Variants in SNX29 observed in about 807,000 individuals in gnomAD.
The protein encoded by SNX29 is sorting nexin 29, also known as sorting nexin-29.
A neutral mutation model predicts 102.1 loss-of-function variants in SNX29; 78 were observed. The observed-to-expected ratio is 0.76, with a 90% CI of 0.64 to 0.92. The LOEUF is 0.92. SNX29 is among the 40% of genes least tolerant of loss of function. SNX29 has a pLI of 0.00. For missense variants in SNX29, 1,280 were observed against 1,061.7 expected, an observed-to-expected ratio of 1.21 and a Z score of -2.86; for synonymous variants, 580 against 414.5, an observed-to-expected ratio of 1.40 and a Z score of -4.85.
intron 17 of SNX29, among the ~76,000 whole-genome samples, chr16:12,400,375 A>C (rs1421158957): frequency 6.6e-6 from 1 of 152,172 alleles, no homozygotes; most frequent in African/African-American, 2.4e-5. Flanking sequence ...TGTGCTGGAC[A>C]CTGTTCTAAC....
intron 15 of SNX29, among the ~76,000 whole-genome samples, chr16:12,284,115 C>T (rs2079519433): frequency 6.6e-6 from 1 of 152,228 alleles, no homozygotes; most frequent in Non-Finnish European, 1.5e-5. Flanking sequence ...TATTCTTTTT[C>T]AGCAGTTGTC....
chr16:12,032,177 G>A (rs1245806007), intron 4 of SNX29, among the ~76,000 whole-genome samples: 2 of 148,862 alleles, frequency 1.3e-5, no homozygotes, highest in African/African-American at 4.9e-5. Context: ...TGTAGTATGT[G>A]TCAGAATTTC....
intron 14 of SNX29, among the ~76,000 whole-genome samples, chr16:12,234,248 G>A (rs2077857543): frequency 6.6e-6 from 1 of 152,176 alleles, no homozygotes; most frequent in African/African-American, 2.4e-5. Flanking sequence ...GAGTGGATGT[G>A]AAGTGGCACC....
At chr16:12,154,233 C>G (rs959847061) in intron 13 of SNX29, among the ~76,000 whole-genome samples, 4 of 152,146 alleles carry the variant, frequency 2.6e-5, no homozygotes, top group Admixed American at 1.3e-4. Flanking sequence ...TGGTAGCAGG[C>G]TTTCTGTAAT....
At chr16:12,051,784 T>C in intron 7 of SNX29, 63 bp from the exon 8 acceptor site, 1 of 1,577,038 alleles carries the variant, frequency 6.3e-7, no homozygotes, top group Non-Finnish European at 8.6e-7. Context: ...GTGAGTTGGT[T>C]CCATCATCCT....
At chr16:12,554,459 C>T (rs1017509985) in intron 20 of SNX29, among the ~76,000 whole-genome samples, 27 of 152,350 alleles carry the variant, frequency 1.8e-4, no homozygotes, top group Middle Eastern at 3.4e-3. Context: ...ATGCCAGGTC[C>T]ATGGGTCCTG....
At chr16:12,163,523 G>A (rs1270624272) in intron 13 of SNX29, among the ~76,000 whole-genome samples, 1 of 152,168 alleles carries the variant, frequency 6.6e-6, no homozygotes, top group Admixed American at 6.5e-5. Context: ...GAGCAGCACT[G>A]AGGATGCAGC....
At position 12,542,171 on chromosome 16, in the gene SNX29, G is replaced by A. The variant is rs144153754; in HGVS notation, c.2318+17330G>A. ...TACCTGGGCTCCTGCTGGGTGTCAG[G>A]CCCTGTGCTAAGCCTTTTCCACACA... On this transcript the variant is annotated intron_variant, in intron 20 of 20. Transcript: ENST00000566228. Among the ~76,000 whole-genome samples the A allele has an allele frequency of 8.8e-4, 134 of 152,232 alleles. 3 individuals carry two copies. The highest frequency in any genetic ancestry group is 3.1e-3 in the African/African-American group (130 of 41,546).
intron 1 of SNX29, among the ~76,000 whole-genome samples, chr16:11,984,953 C>T (rs2055555674): frequency 6.6e-6 from 1 of 152,120 alleles, no homozygotes; most frequent in African/African-American, 2.4e-5. Flanking sequence ...CTGTACCTGG[C>T]TTTCCTTCTT....
intron 12 of SNX29, among the ~76,000 whole-genome samples, chr16:12,127,288 A>AG (rs2054256018): frequency 6.6e-6 from 1 of 152,044 alleles, no homozygotes; most frequent in African/African-American, 2.4e-5. Flanking sequence ...AAATAAAAAA[A>AG]TAAATGAAGT....
intron 13 of SNX29, among the ~76,000 whole-genome samples, chr16:12,173,399 T>G (rs993618196): frequency 6.6e-6 from 1 of 152,262 alleles, no homozygotes; most frequent in Non-Finnish European, 1.5e-5. Flanking sequence ...GCACAGATAC[T>G]GTATGCTCTA....
chr16:12,416,721 T>C (rs2084653281), intron 18 of SNX29, among the ~76,000 whole-genome samples: 1 of 152,116 alleles, frequency 6.6e-6, no homozygotes, highest in Admixed American at 6.5e-5. Context: ...GCATGTCACA[T>C]GGCAAGAGAA....
intron 20 of SNX29, among the ~76,000 whole-genome samples, chr16:12,567,846 C>T (rs977690844): frequency 3.3e-5 from 5 of 152,184 alleles, no homozygotes; most frequent in Admixed American, 1.3e-4. Context: ...GCCTCCCAGC[C>T]TCTACCCTAT....
At chr16:12,077,589 A>T (rs1030175608) in intron 10 of SNX29, among the ~76,000 whole-genome samples, 2 of 152,104 alleles carry the variant, frequency 1.3e-5, no homozygotes, top group African/African-American at 4.8e-5. Context: ...CTCCTAGGGG[A>T]AGTACATGGT....
At chr16:12,158,530 G>C (rs897273486) in intron 13 of SNX29, among the ~76,000 whole-genome samples, 6 of 152,194 alleles carry the variant, frequency 3.9e-5, no homozygotes, top group African/African-American at 1.4e-4. Flanking sequence ...TGGGCACCCA[G>C]TAGTCCTGCT....
intron 15 of SNX29, among the ~76,000 whole-genome samples, chr16:12,291,576 G>A (rs2079796553): frequency 6.6e-6 from 1 of 152,160 alleles, no homozygotes; most frequent in Non-Finnish European, 1.5e-5. Context: ...GATCACCCCT[G>A]GGCACATAGT....
intron 18 of SNX29, among the ~76,000 whole-genome samples, chr16:12,425,635 G>A (rs1182059435): frequency 2.6e-5 from 4 of 151,898 alleles, no homozygotes; most frequent in African/African-American, 2.4e-5. Context: ...AATCCAACAC[G>A]GATGGACAGA....
chr16:12,032,026 CCT>C (rs1426874685), intron 4 of SNX29, among the ~76,000 whole-genome samples: 2 of 152,116 alleles, frequency 1.3e-5, no homozygotes, highest in African/African-American at 4.8e-5. Context: ...CCTCCACACC[CCT>C]GTCCCTGGCA....
Position 12,356,050 on chromosome 16 carries a change from C to T in SNX29, c.1783-113C>T, listed in dbSNP as rs1255856391. 13 of 899,282 alleles carry T rather than the reference C, an allele frequency of 1.4e-5. No individual in the cohort carries two copies. In the East Asian group the frequency reaches 3.0e-4, roughly 21 times the overall value. The allele number at this position is 899,282 out of a possible 1,614,324, so 55.7% of individuals were successfully genotyped here. A position where few individuals can be genotyped will look rare whatever the true frequency, so the allele number is the denominator to read the frequency against. On this transcript the variant is annotated intron_variant, in intron 15 of 20. Transcript: ENST00000566228. ...GCAGTGTCATTGACTCCAGCCCCAA[C>T]AGCCTACAGATGTTTTGCTGACAGG...
Sources: gnomAD v4.1 joint callset for allele counts (sites outside exome capture counted in the v4.1 genomes callset) on GRCh38, gnomAD v4.1.1 for gene constraint, MANE v1.5 for transcripts, NCBI Gene and HGNC (gene_info 2026-07-23, HGNC 2026-07-21) for gene names.